Variants in ESF1 observed in about 807,000 individuals in gnomAD.
The protein encoded by ESF1 is ESF1 homolog.
ESF1 carries 58 observed loss-of-function variants against 92.0 expected under a neutral mutation model. That is an observed-to-expected ratio of 0.63 (90% confidence interval 0.51 to 0.78). ESF1 has a LOEUF of 0.78. Ranked by LOEUF, ESF1 falls within the 30% of genes least tolerant of loss-of-function variation. The probability of loss-of-function intolerance (pLI) is 0.00; values close to 1 mark genes in which losing one functional copy is unlikely to be tolerated. For missense variants in ESF1, 922 were observed against 989.1 expected (o/e 0.93, Z 0.91); for synonymous variants, 321 against 313.7 (o/e 1.02, Z -0.24).
In ESF1 at chr20:13,769,988, C is replaced by T; in HGVS notation, c.1437G>A (p.Glu479=). 6.2e-7 allele frequency: 1 copy of T among 1,610,498 alleles called. No individual in the cohort carries two copies. The highest frequency in any genetic ancestry group is 8.5e-7 in the Non-Finnish European group (1 of 1,179,192). The change falls in exon 7 of 14, where the codon GAG becomes GAA. Residue 479 remains glutamate, a synonymous_variant. Coordinates refer to ENST00000617257, the MANE Select transcript of ESF1 (RefSeq NM_001276380.2). ...FIPDDITFDD[E]PKDVASEVNL... is the part of the protein sequence containing the mutation. ...TCACTTCTGAGGCTACATCCTTAGG[C>T]TCATCATCAAAAGTAATATCATCTG...
chr20:13,771,581 G>C lies in ESF1; in HGVS notation c.1251-98C>G. The C allele has an allele frequency of 1.3e-5, 13 of 994,718 alleles. No individual in the cohort carries two copies. In the South Asian group the frequency reaches 1.6e-4, roughly 12 times the overall value. 61.6% of individuals were successfully genotyped at this position (994,718 alleles called of 1,614,324 possible). On this transcript the variant is annotated intron_variant, in intron 5 of 13. Transcript: ENST00000617257. ...TTCTTTCAAGAAAAACATATTACAAGCTGGCCTTCATACCAAACCATCTTT... is the reference window on the plus strand; with the variant it reads ...TTCTTTCAAGAAAAACATATTACAACCTGGCCTTCATACCAAACCATCTTT...
At chr20:13,782,473 AC>A in intron 2 of ESF1, 30 bp downstream of exon 2, 1 of 1,470,684 alleles carries the variant, frequency 6.8e-7, no homozygotes, top group Non-Finnish European at 9.0e-7. Context: ...ATAATGTAAC[AC>A]CCAAGAATCT....
rs1327375519 is a variant in ESF1, at chr20:13,753,782, A to G, written c.1828+5910T>C. Among the ~76,000 whole-genome samples the G allele has an allele frequency of 3.3e-5, 5 of 152,260 alleles. No individual in the cohort carries two copies. In the East Asian group the frequency reaches 9.7e-4, roughly 29 times the overall value. ...TACTTTCCAAGCATCCTACTCTTCT[A>G]CCACCAGCTGCAATCTTTTCATTTT... On this transcript the variant is annotated intron_variant, in intron 9 of 13. Transcript: ENST00000617257.
intron 11 of ESF1, among the ~76,000 whole-genome samples, chr20:13,722,261 G>A (rs2049873171): frequency 6.6e-6 from 1 of 152,026 alleles, no homozygotes; most frequent in African/African-American, 2.4e-5. Context: ...AAATCCCCAA[G>A]ATAGGGCTAA....
At position 13,717,505 on chromosome 20, in the gene ESF1, C is replaced by A; in HGVS notation, c.2125G>T (p.Ala709Ser). ...TCGTCCTCATCCATCATAAGCAAAGCCATTTCAGCCTGTAGAGAGCAAAAA... is the reference window on the plus strand; with the variant it reads ...TCGTCCTCATCCATCATAAGCAAAGACATTTCAGCCTGTAGAGAGCAAAAA... ...IEIERQKAEM[A>S]LLMMDEDEDS... The change falls in exon 13 of 14, where the codon GCT (alanine) becomes TCT (serine). Residue 709 changes from alanine (A) to serine (S), a missense_variant. Transcript: ENST00000617257. 6.2e-7 allele frequency: 1 copy of A among 1,613,806 alleles called. No individual in the cohort carries two copies. Among genetic ancestry groups the A allele is most frequent in the African/African-American group, 1.3e-5 (1 of 75,016 alleles).
chr20:13,764,108 C>T (rs914923187), intron 8 of ESF1, among the ~76,000 whole-genome samples: 5 of 151,988 alleles, frequency 3.3e-5, no homozygotes, highest in Non-Finnish European at 7.4e-5. Context: ...AATACATATA[C>T]AAAAAGAAAA....
chr20:13,760,334 C>G (rs1285928001), intron 8 of ESF1, among the ~76,000 whole-genome samples: 1 of 151,568 alleles, frequency 6.6e-6, no homozygotes, highest in Non-Finnish European at 1.5e-5. Context: ...GGCCGCCATC[C>G]CATCTAGGAA....
intron 8 of ESF1, among the ~76,000 whole-genome samples, chr20:13,762,362 G>A (rs908068677): frequency 1.3e-5 from 2 of 152,070 alleles, no homozygotes; most frequent in Non-Finnish European, 1.5e-5. Context: ...CATGTATCCC[G>A]TAATTCAATG....
intron 4 of ESF1, among the ~76,000 whole-genome samples, chr20:13,774,897 C>A (rs1979853851): frequency 6.6e-6 from 1 of 152,050 alleles, no homozygotes; most frequent in African/African-American, 2.4e-5. Context: ...AAAAACACTT[C>A]TTATATGCTG....
At chr20:13,740,827 A>C (rs2147740270) in intron 9 of ESF1, among the ~76,000 whole-genome samples, 1 of 152,326 alleles carries the variant, frequency 6.6e-6, no homozygotes, top group Non-Finnish European at 1.5e-5. Flanking sequence ...AGGTATTAAA[A>C]TACTTGTTCT....
intron 13 of ESF1, among the ~76,000 whole-genome samples, chr20:13,716,829 T>TTTTTTTTTTTTTTTTTTTTTTTTTTG (rs1255935640): frequency 1.4e-5 from 1 of 72,290 alleles, no homozygotes; most frequent in Non-Finnish European, 2.9e-5. Flanking sequence ...TTTTTTTTTT[T>TTTTTTTTTTTTTTTTTTTTTTTTTTG]TTTTTTTAGA....
At chr20:13,777,487 C>G (rs941635448) in intron 2 of ESF1, among the ~76,000 whole-genome samples, 1 of 152,144 alleles carries the variant, frequency 6.6e-6, no homozygotes, top group South Asian at 2.1e-4. Context: ...TAAGAGTGTA[C>G]AGCTCAGAGA....
intron 9 of ESF1, among the ~76,000 whole-genome samples, chr20:13,737,062 A>T (rs2049979971): frequency 6.6e-6 from 1 of 152,168 alleles, no homozygotes; most frequent in African/African-American, 2.4e-5. Flanking sequence ...TGGCATAAGT[A>T]CGAGAACATT....
At chr20:13,743,575 A>T (rs995705080) in intron 9 of ESF1, among the ~76,000 whole-genome samples, 1 of 152,234 alleles carries the variant, frequency 6.6e-6, no homozygotes, top group Admixed American at 6.5e-5. Context: ...GCCATTTGTG[A>T]CAACACAGAT....
intron 9 of ESF1, among the ~76,000 whole-genome samples, chr20:13,748,475 T>C (rs1262676034): frequency 6.9e-6 from 1 of 144,562 alleles, no homozygotes; most frequent in Non-Finnish European, 1.5e-5. Context: ...TACACATATA[T>C]ACACATATAC....
At chr20:13,767,177 C>T (rs1039084135) in intron 7 of ESF1, among the ~76,000 whole-genome samples, 9 of 152,086 alleles carry the variant, frequency 5.9e-5, no homozygotes, top group African/African-American at 2.2e-4. Context: ...TAAAAATTAA[C>T]CAGTGTCTAA....
intron 9 of ESF1, among the ~76,000 whole-genome samples, chr20:13,744,781 A>G (rs1402220010): frequency 2.0e-5 from 3 of 152,202 alleles, no homozygotes; most frequent in Non-Finnish European, 4.4e-5. Flanking sequence ...CTGACTATCC[A>G]GTTTAAATTG....
chr20:13,731,400 C>T (rs373219937), intron 10 of ESF1, among the ~76,000 whole-genome samples: 6 of 151,840 alleles, frequency 4.0e-5, no homozygotes, highest in Non-Finnish European at 7.4e-5. Context: ...GGTGTGGTGG[C>T]GGGCGCCTGT....
At chr20:13,750,924 G>A (rs896403147) in intron 9 of ESF1, among the ~76,000 whole-genome samples, 8 of 152,164 alleles carry the variant, frequency 5.3e-5, no homozygotes, top group African/African-American at 1.7e-4. Flanking sequence ...AGTCATGATC[G>A]AACCACTGCA....
Sources: allele counts gnomAD v4.1 joint callset (sites outside exome capture counted in the v4.1 genomes callset), GRCh38; gene constraint gnomAD v4.1.1; transcripts MANE v1.5; gene names NCBI Gene and HGNC (gene_info 2026-07-23, HGNC 2026-07-21).